SCNM1: variants seen among roughly 807,000 people sequenced by gnomAD.
SCNM1 encodes the protein sodium channel modifier 1.
Under a neutral mutation model 32.8 loss-of-function variants are expected in SCNM1, and 24 were observed. The observed-to-expected ratio is 0.73, with a 90% CI of 0.53 to 1.03. SCNM1 has a LOEUF of 1.03. Ranked by LOEUF, SCNM1 falls within the 50% of genes least tolerant of loss-of-function variation. The pLI is 0.00. For missense variants in SCNM1, 274 were observed against 282.3 expected (o/e 0.97, Z 0.21); for synonymous variants, 99 against 103.2 (o/e 0.96, Z 0.25).
intron 6 of SCNM1, 57 bp downstream of exon 6, chr1:151,168,395 C>T (rs1683807977): frequency 6.7e-7 from 1 of 1,490,940 alleles, no homozygotes; most frequent in African/African-American, 1.4e-5. Context: ...ACCCTTGTTT[C>T]AAAGCTATTG....
rs1683753100 is a variant in SCNM1 at position 151,167,312 on chromosome 1, C to G, written c.310-14C>G. The G allele has an allele frequency of 1.9e-6, 3 of 1,614,066 alleles. No homozygotes were observed. In the East Asian group the frequency reaches 6.7e-5, roughly 36 times the overall value. On this transcript the variant is annotated splice_polypyrimidine_tract_variant and intron_variant, in intron 4 of 6. Transcript: ENST00000368905. ...GGCTGAAGGCTCTGACTCTGTCTCC[C>G]ATCTCCTTACCAGGCTCCTCTGCTA...
chr1:151,166,457 C>T lies in SCNM1; in HGVS notation c.52-14C>T. On this transcript the variant is annotated splice_polypyrimidine_tract_variant and intron_variant, in intron 1 of 6. Transcript: ENST00000368905. ...CGCTGATCCCGTCCGGATTTCTTCC[C>T]CTACTCCCTGCAGAAAAGAAGAGTC... is the stretch of plus-strand genomic sequence containing the variant. 1.2e-6 allele frequency: 2 copies of T among 1,613,948 alleles called. No homozygotes were observed. The highest frequency in any genetic ancestry group is 2.2e-5 in the South Asian group (2 of 91,024).
chr1:151,166,511 A>G lies in SCNM1; in HGVS notation c.92A>G (p.Glu31Gly). The change falls in exon 2 of 7, where the codon GAG becomes GGG. Residue 31 changes from glutamate (E) to glycine (G), a missense_variant. Transcript: ENST00000368905. Reference sequence around the variant, plus strand: ...GACCTCCTAGCCAGTTACATTCCAGAGGATGAGGCGCTGATGCTTCGGGAT... The same window carrying G: ...GACCTCCTAGCCAGTTACATTCCAGGGGATGAGGCGCTGATGCTTCGGGAT... ...VGDLLASYIP[E>G]DEALMLRDGR... The G allele has an allele frequency of 6.2e-7, 1 of 1,613,862 alleles. No individual in the cohort carries two copies. The highest frequency in any genetic ancestry group is 8.5e-7 in the Non-Finnish European group (1 of 1,179,990).
In SCNM1 at chr1:151,170,291, A is replaced by C; in HGVS notation, c.*1206A>C. On this transcript the variant is annotated 3_prime_UTR_variant, in exon 7 of 7. Transcript: ENST00000368905. The stretch of plus-strand genomic sequence containing the variant: ...CCACAAATAAAATTACGATACCTCT[A>C]AACAAGTATGATTATCTCTGGCATC... 1 of 846,660 alleles carries C rather than the reference A, an allele frequency of 1.2e-6. No individual in the cohort carries two copies. The highest frequency in any genetic ancestry group is 1.9e-6 in the Non-Finnish European group (1 of 540,066). 52.4% of individuals were successfully genotyped at this position (846,660 alleles called of 1,614,324 possible). A position where few individuals can be genotyped will look rare whatever the true frequency, so the allele number is the denominator to read the frequency against.
Position 151,169,002 on chromosome 1 carries a change from G to C in SCNM1, c.610G>C (p.Asp204His). 6.2e-7 allele frequency: 1 copy of C among 1,613,880 alleles called. No homozygotes were observed. Among genetic ancestry groups the C allele is most frequent in the Non-Finnish European group, 8.5e-7 (1 of 1,179,960 alleles). ...TGTTTCCAGCTCTGGATGGATCCCA[G>C]ATGGACGAGGTCGATGGGTAAAAGA... ...LTLRSSGWIPDGRGRWVKDEN... is the reference protein window; with the variant it reads ...LTLRSSGWIPHGRGRWVKDEN... The change falls in exon 7 of 7, where the codon GAT (aspartate) becomes CAT (histidine). Residue 204 changes from aspartate (D) to histidine (H), a missense_variant. By Grantham distance (81) the Asp-to-His change is moderately conservative (BLOSUM62 -1). Coordinates refer to ENST00000368905, the MANE Select transcript of SCNM1 (RefSeq NM_024041.4).
chr1:151,168,295 C>A lies in SCNM1; in HGVS notation c.550C>A (p.Pro184Thr), dbSNP rs771056233. Residue 184 changes from proline to threonine, a missense_variant, in exon 6 of 7, where the codon CCC becomes ACC. By Grantham distance (38) the Pro-to-Thr change is conservative. Coordinates refer to ENST00000368905, the MANE Select transcript of SCNM1 (RefSeq NM_024041.4). ...ATVSAPAPMS[P>T]TRRRALDHYL... ...TGTCTCAGCCCCTGCACCCATGAGC[C>A]CCACAAGAAGACGAGCCCTGGACCA... is the stretch of plus-strand genomic sequence containing the variant. 1.2e-6 allele frequency: 2 copies of A among 1,613,932 alleles called. No homozygotes were observed. The highest frequency in any genetic ancestry group is 3.3e-5 in the Admixed American group (2 of 59,968).
intron 1 of SCNM1, 39 bp from the exon 2 acceptor site, chr1:151,166,432 C>T (rs1312650481): frequency 6.2e-7 from 1 of 1,613,170 alleles, no homozygotes; most frequent in Non-Finnish European, 8.5e-7. Context: ...TCTCCTATCC[C>T]GCTGATCCCG....
rs2101704473 is a variant in SCNM1 at position 151,168,168 on chromosome 1, C to T, written c.423C>T (p.Val141=). 4 of 1,613,678 alleles carry T rather than the reference C, an allele frequency of 2.5e-6. 1 individual carries two copies. The East Asian group carries it at 8.9e-5, about 36-fold the overall frequency. ...KYRPEAPGPS[V]SLSPMPPSEV... is the part of the protein sequence containing the mutation. ...GACCAGAAGCCCCTGGTCCCTCTGT[C>T]TCCCTTTCCCCTATGCCACCCTCAG... Residue 141 remains valine (V), a synonymous_variant, in exon 6 of 7, where the codon GTC becomes GTT. Transcript: ENST00000368905.
intron 6 of SCNM1, among the ~76,000 whole-genome samples, chr1:151,168,569 C>T (rs587598825): frequency 4.1e-5 from 6 of 147,900 alleles, no homozygotes; most frequent in East Asian, 2.1e-4. Context: ...CCATCACGCC[C>T]GGCTAATTTT....
Position 151,169,165 on chromosome 1 carries a change from G to C in SCNM1, c.*80G>C. On this transcript the variant is annotated 3_prime_UTR_variant, in exon 7 of 7. Transcript: ENST00000368905. ...TTTCCTTAAGTCTGGTTCCTTGTTG[G>C]ATCTCAGGATTTCAGATCTGTTCAT... 3 of 1,533,762 alleles carry C rather than the reference G, an allele frequency of 2.0e-6. No individual in the cohort carries two copies. The highest frequency in any genetic ancestry group is 2.7e-6 in the Non-Finnish European group (3 of 1,116,576).
Position 151,169,850 on chromosome 1 carries a change from C to T in SCNM1, c.*765C>T, listed in dbSNP as rs1409630612. Reference sequence around the variant, plus strand: ...GGAACACCAAGGGAGGGAACACCCCCACCTCCTCCTAGTAACCTGAACCTC... The same window carrying T: ...GGAACACCAAGGGAGGGAACACCCCTACCTCCTCCTAGTAACCTGAACCTC... On this transcript the variant is annotated 3_prime_UTR_variant, in exon 7 of 7. Coordinates refer to ENST00000368905, the MANE Select transcript of SCNM1 (RefSeq NM_024041.4). The T allele has an allele frequency of 2.3e-5, 13 of 555,624 alleles. No individual in the cohort carries two copies. Among genetic ancestry groups the T allele is most frequent in the Non-Finnish European group, 3.6e-5 (11 of 309,794 alleles). 34.4% of individuals were successfully genotyped at this position (555,624 alleles called of 1,614,324 possible). A position where few individuals can be genotyped will look rare whatever the true frequency, so the allele number is the denominator to read the frequency against.
rs775787949 is a variant in SCNM1 at position 151,170,142 on chromosome 1, G to C, written c.*1057G>C. ...ATATTAAACATAAGTGTTTGTTCCA[G>C]CTCCTGCTTTCTGCAAAGGCACTCT... is the stretch of plus-strand genomic sequence containing the variant. On this transcript the variant is annotated 3_prime_UTR_variant, in exon 7 of 7. Coordinates refer to ENST00000368905, the MANE Select transcript of SCNM1 (RefSeq NM_024041.4). The C allele has an allele frequency of 1.2e-6, 2 of 1,613,578 alleles. No individual in the cohort carries two copies. Among genetic ancestry groups the C allele is most frequent in the Non-Finnish European group, 1.7e-6 (2 of 1,179,594 alleles).
At chr1:151,166,854 G>A in intron 2 of SCNM1, 80 bp from the exon 3 acceptor site, 1 of 1,596,142 alleles carries the variant, frequency 6.3e-7, no homozygotes, top group South Asian at 1.1e-5. Flanking sequence ...AAGACTGCTA[G>A]GACAGGGTGG....
chr1:151,166,474 A>G lies in SCNM1; in HGVS notation c.55A>G (p.Arg19Gly), dbSNP rs752088024. Residue 19 changes from arginine to glycine, a missense_variant, in exon 2 of 7, where the codon AGA (arginine) becomes GGA (glycine). Arg to Gly is a moderately radical substitution (Grantham distance 125). Coordinates refer to ENST00000368905, the MANE Select transcript of SCNM1 (RefSeq NM_024041.4). ...DWSQLNVLKK[R>G]RVGDLLASYI... ...TTTCTTCCCCTACTCCCTGCAGAAA[A>G]GAAGAGTCGGGGACCTCCTAGCCAG... The G allele has an allele frequency of 1.2e-6, 2 of 1,613,948 alleles. No individual in the cohort carries two copies. The highest frequency in any genetic ancestry group is 1.7e-6 in the Non-Finnish European group (2 of 1,179,994).
At chr1:151,168,897 C>T (rs1430066288) in intron 6 of SCNM1, 89 bp from the exon 7 acceptor site, 2 of 1,482,496 alleles carry the variant, frequency 1.3e-6, no homozygotes, top group Admixed American at 1.8e-5. Flanking sequence ...CTCGGCCTCC[C>T]AGAGTGCTGG....
Position 151,169,477 on chromosome 1 carries a change from C to G in SCNM1, c.*392C>G. 5.7e-6 allele frequency: 1 copy of G among 175,306 alleles called. No homozygotes were observed. The highest frequency in any genetic ancestry group is 1.2e-4 in the South Asian group (1 of 8,068). 10.9% of individuals were successfully genotyped at this position (175,306 alleles called of 1,614,324 possible). On this transcript the variant is annotated 3_prime_UTR_variant, in exon 7 of 7. Coordinates refer to ENST00000368905, the MANE Select transcript of SCNM1 (RefSeq NM_024041.4). ...GCCAGGATGGTCTCGATCTCCTGAC[C>G]TCGTGATCCGCCCACCTCGGCCTCC...
chr1:151,168,315 G>A lies in SCNM1; in HGVS notation c.570G>A (p.Leu190=). 6.2e-7 allele frequency: 1 copy of A among 1,611,590 alleles called. No homozygotes were observed. Among genetic ancestry groups the A allele is most frequent in the Non-Finnish European group, 8.5e-7 (1 of 1,178,788 alleles). ...TGAGCCCCACAAGAAGACGAGCCCT[G>A]GACCATTATCTCACCCTTCGAAGGT... ...APMSPTRRRA[L]DHYLTLRSSG... The change falls in exon 6 of 7, where the codon CTG becomes CTA. Residue 190 remains leucine (L), a synonymous_variant. Coordinates refer to ENST00000368905, the MANE Select transcript of SCNM1 (RefSeq NM_024041.4).
rs375091810 is a variant in SCNM1 at position 151,168,387 on chromosome 1, C to A, written c.593+49C>A. 4.3e-5 allele frequency: 65 copies of A among 1,526,686 alleles called. 1 individual carries two copies. In the African/African-American group the frequency reaches 8.9e-4, roughly 21 times the overall value. The allele number at this position is 1,526,686 out of a possible 1,614,324, so 94.6% of individuals were successfully genotyped here. The stretch of plus-strand genomic sequence containing the variant: ...TCAGATTTTCTTTTCTCTCTGACAC[C>A]CTTGTTTCAAAGCTATTGTTTTTCC... On this transcript the variant is annotated intron_variant, in intron 6 of 6. Transcript: ENST00000368905.
In SCNM1 at chr1:151,168,160, C is replaced by T; in HGVS notation, c.415C>T (p.Pro139Ser). The T allele has an allele frequency of 1.9e-6, 3 of 1,612,872 alleles. No homozygotes were observed. The highest frequency in any genetic ancestry group is 2.5e-6 in the Non-Finnish European group (3 of 1,179,402). ...TCTACCTAGACCAGAAGCCCCTGGT[C>T]CCTCTGTCTCCCTTTCCCCTATGCC... is the stretch of plus-strand genomic sequence containing the variant. ...RRKYRPEAPG[P>S]SVSLSPMPPS... is the part of the protein sequence containing the mutation. Residue 139 changes from proline to serine, a missense_variant, in exon 6 of 7, where the codon CCC becomes TCC. Transcript: ENST00000368905.
Sources: gnomAD v4.1 joint callset for allele counts (sites outside exome capture counted in the v4.1 genomes callset) on GRCh38, gnomAD v4.1.1 for gene constraint, MANE v1.5 for transcripts, NCBI Gene and HGNC (gene_info 2026-07-23, HGNC 2026-07-21) for gene names.